PCCA: variants seen among roughly 807,000 people sequenced by gnomAD.
PCCA encodes the protein propionyl-CoA carboxylase subunit alpha.
PCCA carries 74 observed loss-of-function variants against 101.3 expected under a neutral mutation model. The ratio of observed to expected loss-of-function variants is 0.73; its 90% CI spans 0.61 to 0.89. The LOEUF is 0.89. Among genes scored for constraint, PCCA ranks in the 40% least tolerant of loss-of-function variants. The probability of loss-of-function intolerance (pLI) is 0.00; values close to 1 mark genes in which losing one functional copy is unlikely to be tolerated. For synonymous variants in PCCA, 294 were observed against 313.6 expected (o/e 0.94, Z 0.66); for missense variants, 891 against 907.0 (o/e 0.98, Z 0.23).
rs140492017 is a variant in PCCA at position 100,530,318 on chromosome 13, C to CA, written c.*158dup. ...CACAGAGTCAAGACCAATATTCTGCCAAAAAATCACCAATGGAAATTTTCA... is the reference window on the plus strand; with the variant it reads ...CACAGAGTCAAGACCAATATTCTGCCAAAAAAATCACCAATGGAAATTTTCA... On this transcript the variant is annotated 3_prime_UTR_variant, in exon 24 of 24. Transcript: ENST00000376285. 4,383 of 693,280 alleles carry CA rather than the reference C, an allele frequency of 6.3e-3. 131 individuals carry two copies. In the African/African-American group the frequency reaches 0.066, roughly 10 times the overall value. The allele number at this position is 693,280 out of a possible 1,614,324, so 42.9% of individuals were successfully genotyped here.
At chr13:100,192,449 C>T (rs1318427525) in intron 6 of PCCA, among the ~76,000 whole-genome samples, 2 of 152,138 alleles carry the variant, frequency 1.3e-5, no homozygotes, top group African/African-American at 4.8e-5. Context: ...GTTAAGCAGA[C>T]ATCAAAGGCG....
At chr13:100,379,331 G>A (rs1236533752) in intron 19 of PCCA, among the ~76,000 whole-genome samples, 2 of 152,156 alleles carry the variant, frequency 1.3e-5, no homozygotes, top group African/African-American at 4.8e-5. Flanking sequence ...GGTAGTGGTG[G>A]GCTGAGTATG....
rs2088298766 is a variant in PCCA at position 100,530,171 on chromosome 13, T to C, written c.*5T>C. 1 of 1,609,182 alleles carries C rather than the reference T, an allele frequency of 6.2e-7. No homozygotes were observed. Among genetic ancestry groups the C allele is most frequent in the Non-Finnish European group, 8.5e-7 (1 of 1,175,496 alleles). Reference sequence around the variant, plus strand: ...CTGCTCGTGGAGCTGGAATGAAGGATTTATAACCTTTCAGTCATCACCCAA... The same window carrying C: ...CTGCTCGTGGAGCTGGAATGAAGGACTTATAACCTTTCAGTCATCACCCAA... On this transcript the variant is annotated 3_prime_UTR_variant, in exon 24 of 24. Coordinates refer to ENST00000376285, the MANE Select transcript of PCCA (RefSeq NM_000282.4).
At chr13:100,120,110 G>A (rs1446175868) in intron 4 of PCCA, among the ~76,000 whole-genome samples, 2 of 151,168 alleles carry the variant, frequency 1.3e-5, no homozygotes, top group East Asian at 3.9e-4. Flanking sequence ...TGATCCACCC[G>A]CCTCAGCCTC....
chr13:100,151,230 T>C, intron 4 of PCCA: 3 of 596,748 alleles, frequency 5.0e-6, no homozygotes, highest in Non-Finnish European at 8.8e-6. Flanking sequence ...ATTTGGAAAT[T>C]AGGCTCATAC....
At chr13:100,521,314 G>A (rs1429499948) in intron 22 of PCCA, among the ~76,000 whole-genome samples, 1 of 152,248 alleles carries the variant, frequency 6.6e-6, no homozygotes, top group Non-Finnish European at 1.5e-5. Context: ...ACGTGTGCCT[G>A]AAGTCCCGAG....
chr13:100,336,090 C>A (rs1343819871), intron 17 of PCCA, among the ~76,000 whole-genome samples: 1 of 152,008 alleles, frequency 6.6e-6, no homozygotes, highest in Non-Finnish European at 1.5e-5. Flanking sequence ...TGGAGAAACC[C>A]CGTCTCTACT....
chr13:100,337,185 G>T (rs1429366642), intron 17 of PCCA, among the ~76,000 whole-genome samples: 3 of 152,156 alleles, frequency 2.0e-5, no homozygotes, highest in Non-Finnish European at 4.4e-5. Context: ...GCCCTCATGG[G>T]ACTTACATTC....
rs1014937630 is a variant in PCCA at position 100,262,578 on chromosome 13, A to G, written c.717-151A>G. ...TTGAGTAAAGGTTTTTGCTTTTTTCAGAATAAGCCAAAATAAATATTTAAT... is the reference window on the plus strand; with the variant it reads ...TTGAGTAAAGGTTTTTGCTTTTTTCGGAATAAGCCAAAATAAATATTTAAT... On this transcript the variant is annotated intron_variant, in intron 9 of 23. Coordinates refer to ENST00000376285, the MANE Select transcript of PCCA (RefSeq NM_000282.4). The G allele has an allele frequency of 2.9e-5, 18 of 611,252 alleles. No individual in the cohort carries two copies. In the African/African-American group the frequency reaches 3.4e-4, roughly 11 times the overall value. 37.9% of individuals were successfully genotyped at this position (611,252 alleles called of 1,614,324 possible). A position where few individuals can be genotyped will look rare whatever the true frequency, so the allele number is the denominator to read the frequency against.
chr13:100,152,140 G>T (rs1353157853), intron 4 of PCCA, among the ~76,000 whole-genome samples: 2 of 152,100 alleles, frequency 1.3e-5, no homozygotes, highest in African/African-American at 2.4e-5. Flanking sequence ...GTTTTCTTTT[G>T]CATGGCCTTT....
intron 18 of PCCA, among the ~76,000 whole-genome samples, chr13:100,348,471 C>G (rs1372288402): frequency 2.0e-5 from 3 of 152,032 alleles, no homozygotes; most frequent in Admixed American, 6.6e-5. Flanking sequence ...TTCTTAAACA[C>G]TTATATTGAC....
chr13:100,527,554 G>T (rs2087948147), intron 22 of PCCA, 121 bp from the exon 23 acceptor site: 4 of 733,744 alleles, frequency 5.5e-6, no homozygotes, highest in Non-Finnish European at 1.0e-5. Flanking sequence ...AGAGATTGTT[G>T]CTGCTGTTCA....
intron 4 of PCCA, among the ~76,000 whole-genome samples, chr13:100,115,766 A>G (rs1038099720): frequency 1.3e-5 from 2 of 152,180 alleles, no homozygotes; most frequent in African/African-American, 4.8e-5. Context: ...CCTTCCCTGA[A>G]GCAGATGTGG....
At chr13:100,094,550 A>C (rs563410223) in intron 1 of PCCA, among the ~76,000 whole-genome samples, 68 of 152,278 alleles carry the variant, frequency 4.5e-4, no homozygotes, top group African/African-American at 1.6e-3. Flanking sequence ...GATTTCATTC[A>C]CAAAACCTAA....
At chr13:100,242,678 C>T (rs1739493465) in intron 8 of PCCA, among the ~76,000 whole-genome samples, 1 of 152,090 alleles carries the variant, frequency 6.6e-6, no homozygotes, top group Admixed American at 6.6e-5. Flanking sequence ...TAATAACAAA[C>T]AGGAGCAATA....
intron 8 of PCCA, among the ~76,000 whole-genome samples, chr13:100,247,422 T>C (rs537054893): frequency 6.6e-6 from 1 of 151,158 alleles, no homozygotes; most frequent in South Asian, 2.1e-4. Flanking sequence ...TTCACCATAT[T>C]AGCCAGGATG....
chr13:100,203,055 G>A lies in PCCA; in HGVS notation c.469-6277G>A, dbSNP rs148821966. On this transcript the variant is annotated intron_variant, in intron 6 of 23. Coordinates refer to ENST00000376285, the MANE Select transcript of PCCA (RefSeq NM_000282.4). ...TGGGAGGCCAAGGTAGGCGGATCAC[G>A]AGATCAGGAGTTCGATACCAGCTTG... Among the ~76,000 whole-genome samples, 480 of 151,678 alleles carry A rather than the reference G, an allele frequency of 3.2e-3. 2 individuals are homozygous for A. Among genetic ancestry groups the A allele is most frequent in the African/African-American group, 0.011 (458 of 41,352 alleles).
chr13:100,235,220 T>TA (rs1375961055), intron 7 of PCCA, among the ~76,000 whole-genome samples: 2 of 150,720 alleles, frequency 1.3e-5, no homozygotes, highest in African/African-American at 4.9e-5. Flanking sequence ...TCGTTGAAAT[T>TA]AAAGTTTTTT....
At chr13:100,421,640 A>G (rs190613309) in intron 19 of PCCA, among the ~76,000 whole-genome samples, 1 of 151,936 alleles carries the variant, frequency 6.6e-6, no homozygotes, top group African/African-American at 2.4e-5. Context: ...TGCTTTTGAG[A>G]AATTAGACTG....
Sources: allele counts gnomAD v4.1 joint callset (sites outside exome capture counted in the v4.1 genomes callset), GRCh38; gene constraint gnomAD v4.1.1; transcripts MANE v1.5; gene names NCBI Gene and HGNC (gene_info 2026-07-23, HGNC 2026-07-21).